RALYL: variants seen among roughly 807,000 people sequenced by gnomAD.
The protein encoded by RALYL is RNA-binding Raly-like protein.
In RALYL, 29 loss-of-function variants were observed where a neutral mutation model predicts 35.1. The observed-to-expected ratio is 0.83, with a 90% CI of 0.61 to 1.13. The LOEUF is 1.13. RALYL is among the 50% of genes most tolerant of loss of function. The probability of loss-of-function intolerance (pLI) is 0.00; values close to 1 mark genes in which losing one functional copy is unlikely to be tolerated. For missense variants in RALYL, 359 were observed against 360.4 expected, an observed-to-expected ratio of 1.00 and a Z score of 0.03; for synonymous variants, 120 against 127.6, an observed-to-expected ratio of 0.94 and a Z score of 0.40.
intron 1 of RALYL, among the ~76,000 whole-genome samples, chr8:84,263,774 G>A (rs928398344): frequency 2.6e-5 from 4 of 151,800 alleles, no homozygotes; most frequent in Admixed American, 6.6e-5. Flanking sequence ...ACCTCACCCC[G>A]ACACAACAGG....
intron 1 of RALYL, among the ~76,000 whole-genome samples, chr8:84,426,407 G>C (rs2046435940): frequency 6.7e-6 from 1 of 148,176 alleles, no homozygotes; most frequent in Non-Finnish European, 1.5e-5. Flanking sequence ...CCTGCCCCTT[G>C]TAACTACTCT....
At chr8:84,452,296 T>C (rs902552157) in intron 1 of RALYL, among the ~76,000 whole-genome samples, 6 of 129,622 alleles carry the variant, frequency 4.6e-5, no homozygotes, top group African/African-American at 1.5e-4. Flanking sequence ...CTGTCAGAGT[T>C]TGAGGCAAGT....
intron 1 of RALYL, among the ~76,000 whole-genome samples, chr8:84,196,213 A>T (rs1399274417): frequency 6.6e-6 from 1 of 152,128 alleles, no homozygotes; most frequent in Admixed American, 6.6e-5. Context: ...TAATTGCTGG[A>T]TCTTTTTCCC....
At chr8:84,425,147 G>T (rs2046220763) in intron 1 of RALYL, among the ~76,000 whole-genome samples, 1 of 152,304 alleles carries the variant, frequency 6.6e-6, no homozygotes, top group East Asian at 1.9e-4. Flanking sequence ...CCCTCCCCCA[G>T]CCTCGCTGCT....
At chr8:84,870,007 CTT>C (rs1839907652) in intron 6 of RALYL, among the ~76,000 whole-genome samples, 2 of 152,142 alleles carry the variant, frequency 1.3e-5, no homozygotes, top group Non-Finnish European at 2.9e-5. Flanking sequence ...CTTAATGTGA[CTT>C]ATTTTTAAAA....
At chr8:84,556,439 T>C (rs192127937) in intron 2 of RALYL, among the ~76,000 whole-genome samples, 108 of 152,196 alleles carry the variant, frequency 7.1e-4, no homozygotes, top group African/African-American at 2.5e-3. Flanking sequence ...GTTGGAGTCT[T>C]ATTAAGGCTA....
At chr8:84,413,342 T>G (rs2044287695) in intron 1 of RALYL, among the ~76,000 whole-genome samples, 1 of 151,790 alleles carries the variant, frequency 6.6e-6, no homozygotes, top group African/African-American at 2.4e-5. Flanking sequence ...TGTATTTTTA[T>G]TTGGAAACAT....
chr8:84,594,574 A>G (rs1420353398), intron 2 of RALYL, among the ~76,000 whole-genome samples: 1 of 151,992 alleles, frequency 6.6e-6, no homozygotes, highest in Non-Finnish European at 1.5e-5. Flanking sequence ...TGCCTTAAAA[A>G]ATGCACCAAT....
intron 2 of RALYL, among the ~76,000 whole-genome samples, chr8:84,653,184 T>A (rs1307872743): frequency 6.6e-6 from 1 of 152,092 alleles, no homozygotes; most frequent in East Asian, 1.9e-4. Context: ...GTAAGATTGA[T>A]TAATAAAACT....
intron 2 of RALYL, among the ~76,000 whole-genome samples, chr8:84,711,239 C>A (rs766274279): frequency 6.6e-6 from 1 of 152,122 alleles, no homozygotes; most frequent in African/African-American, 2.4e-5. Context: ...GGACAGACAA[C>A]AGATTTTAAC....
In RALYL at chr8:84,643,588, G is replaced by A. The variant is rs568934529; in HGVS notation, c.256+114011G>A. Among the ~76,000 whole-genome samples, 20 of 152,134 alleles carry A rather than the reference G, an allele frequency of 1.3e-4. No individual in the cohort carries two copies. The South Asian group carries it at 3.3e-3, about 25-fold the overall frequency. Reference sequence around the variant, plus strand: ...CCTATGCCCCATCATACAGAAATTAGACTGGCAGGCTGGAGACTCCGGAGC... The same window carrying A: ...CCTATGCCCCATCATACAGAAATTAAACTGGCAGGCTGGAGACTCCGGAGC... On this transcript the variant is annotated intron_variant, in intron 2 of 8. Coordinates refer to ENST00000521268, the MANE Select transcript of RALYL (RefSeq NM_173848.7).
intron 1 of RALYL, among the ~76,000 whole-genome samples, chr8:84,385,597 C>T (rs533618666): frequency 6.6e-6 from 1 of 151,914 alleles, no homozygotes; most frequent in East Asian, 2.0e-4. Context: ...CAATGTCTGT[C>T]TTCATTCTGT....
intron 1 of RALYL, among the ~76,000 whole-genome samples, chr8:84,232,491 T>C (rs752866125): frequency 2.6e-5 from 4 of 152,130 alleles, no homozygotes; most frequent in Non-Finnish European, 5.9e-5. Flanking sequence ...TTCAGTTAGA[T>C]AGGAGGAAGA....
intron 1 of RALYL, among the ~76,000 whole-genome samples, chr8:84,247,662 C>T (rs1024956470): frequency 6.6e-6 from 1 of 151,910 alleles, no homozygotes; most frequent in Non-Finnish European, 1.5e-5. Context: ...ATTCTAAATT[C>T]TATTCTAAAA....
chr8:84,719,117 CCTGTATGTATT>C (rs1843427763), intron 2 of RALYL, among the ~76,000 whole-genome samples: 1 of 152,046 alleles, frequency 6.6e-6, no homozygotes, highest in African/African-American at 2.4e-5. Context: ...TCCTCTGTAA[CCTGTATGTATT>C]CTGTATGTAA....
At position 84,816,380 on chromosome 8, in the gene RALYL, A is replaced by C. The variant is rs1827294147; in HGVS notation, c.365+11578A>C. 2.0e-5 allele frequency among the ~76,000 whole-genome samples: 3 copies of C among 152,236 alleles called. No individual in the cohort carries two copies. In the South Asian group the frequency reaches 6.2e-4, roughly 32 times the overall value. ...CAGCATGAAGTTGAACTTTTAAAGA[A>C]GACTTTAATATGAATTAGTTGTATT... On this transcript the variant is annotated intron_variant, in intron 4 of 8. Transcript: ENST00000521268.
chr8:84,331,669 C>G (rs1421177912), intron 1 of RALYL, among the ~76,000 whole-genome samples: 1 of 151,956 alleles, frequency 6.6e-6, no homozygotes, highest in Non-Finnish European at 1.5e-5. Context: ...AGTTTTTTCC[C>G]AAGATATTTT....
chr8:84,209,763 A>G (rs1818999919), intron 1 of RALYL, among the ~76,000 whole-genome samples: 1 of 152,210 alleles, frequency 6.6e-6, no homozygotes, highest in Non-Finnish European at 1.5e-5. Context: ...AATGAAAAAC[A>G]TGACAAAGTA....
chr8:84,679,673 A>C, intron 2 of RALYL: 1 of 502,870 alleles, frequency 2.0e-6, no homozygotes, highest in Non-Finnish European at 4.0e-6. Context: ...ACAGAGAAAA[A>C]TGTGAGAACT....
Sources: gnomAD v4.1 joint callset for allele counts (sites outside exome capture counted in the v4.1 genomes callset) on GRCh38, gnomAD v4.1.1 for gene constraint, MANE v1.5 for transcripts, NCBI Gene and HGNC (gene_info 2026-07-23, HGNC 2026-07-21) for gene names.